The following BCAR3 variants were observed in gnomAD, a reference collection of about 807,000 sequenced individuals.
The protein encoded by BCAR3 is BCAR3 adaptor protein, NSP family member.
In BCAR3, 37 loss-of-function variants were observed where a neutral mutation model predicts 80.1. That is an observed-to-expected ratio of 0.46 (90% CI 0.36 to 0.61). The LOEUF (loss-of-function observed/expected upper bound fraction) is 0.61. Ranked by LOEUF, BCAR3 falls within the 20% of genes least tolerant of loss-of-function variation. The probability of loss-of-function intolerance (pLI) is 0.00; values close to 1 mark genes in which losing one functional copy is unlikely to be tolerated. For missense variants in BCAR3, 978 were observed against 1,068.2 expected, an observed-to-expected ratio of 0.92 and a Z score of 1.18; for synonymous variants, 389 against 418.9, an observed-to-expected ratio of 0.93 and a Z score of 0.87.
chr1:93,769,355 A>ATGTG (rs59798936), intron 2 of BCAR3, among the ~76,000 whole-genome samples: 5,609 of 119,774 alleles, frequency 0.047, 188 homozygotes, highest in East Asian at 0.074. Flanking sequence ...GTGGGTAGGA[A>ATGTG]TGTGTGTGTG....
chr1:93,704,481 C>G (rs1649767300), intron 3 of BCAR3, among the ~76,000 whole-genome samples: 1 of 152,168 alleles, frequency 6.6e-6, no homozygotes. Context: ...AGTAGAGATA[C>G]TTGGCCAAAG....
chr1:93,710,811 C>A (rs550342380), intron 2 of BCAR3, among the ~76,000 whole-genome samples: 1 of 152,210 alleles, frequency 6.6e-6, no homozygotes, highest in Non-Finnish European at 1.5e-5. Flanking sequence ...TTAAAACAAA[C>A]ATTTGTTATC....
intron 2 of BCAR3, among the ~76,000 whole-genome samples, chr1:93,717,104 T>C (rs558101544): frequency 6.6e-6 from 1 of 152,322 alleles, no homozygotes; most frequent in East Asian, 1.9e-4. Context: ...CTACTTATAC[T>C]CTTAGATCTG....
chr1:93,710,253 C>A (rs932155516), intron 2 of BCAR3, among the ~76,000 whole-genome samples: 2 of 152,206 alleles, frequency 1.3e-5, no homozygotes, highest in African/African-American at 4.8e-5. Context: ...CTGGAGGGAC[C>A]AGTCCTGACC....
At chr1:93,770,577 T>C (rs1652324296) in intron 2 of BCAR3, among the ~76,000 whole-genome samples, 2 of 151,988 alleles carry the variant, frequency 1.3e-5, no homozygotes, top group Non-Finnish European at 2.9e-5. Flanking sequence ...TTTATATATA[T>C]AGGATGGCAC....
intron 2 of BCAR3, among the ~76,000 whole-genome samples, chr1:93,835,378 A>C (rs1024143385): frequency 6.6e-6 from 1 of 152,206 alleles, no homozygotes; most frequent in Non-Finnish European, 1.5e-5. Context: ...CTAAAGAAGC[A>C]GCTTAGCGTT....
At chr1:93,810,664 G>C (rs1363912117) in intron 2 of BCAR3, among the ~76,000 whole-genome samples, 1 of 152,146 alleles carries the variant, frequency 6.6e-6, no homozygotes, top group Non-Finnish European at 1.5e-5. Context: ...GCGAACTAAG[G>C]TGTCACCCGT....
intron 5 of BCAR3, among the ~76,000 whole-genome samples, 157 bp from the exon 6 acceptor site, chr1:93,584,278 G>C (rs936670530): frequency 6.6e-6 from 1 of 152,202 alleles, no homozygotes; most frequent in Admixed American, 6.5e-5. Context: ...ATGACCGCTG[G>C]AGAAACAAAT....
chr1:93,675,091 G>A, intron 1 of BCAR3, 150 bp from the exon 2 acceptor site: 1 of 625,606 alleles, frequency 1.6e-6, no homozygotes, highest in Non-Finnish European at 2.5e-6. Flanking sequence ...CACTAGTGGA[G>A]TCTAATAAGA....
At chr1:93,808,640 T>G (rs1368660498) in intron 2 of BCAR3, among the ~76,000 whole-genome samples, 1 of 152,014 alleles carries the variant, frequency 6.6e-6, no homozygotes, top group Non-Finnish European at 1.5e-5. Context: ...AGAAGGAAGA[T>G]AGAGAACTAC....
chr1:93,776,294 C>T (rs1652544488), intron 2 of BCAR3, among the ~76,000 whole-genome samples: 1 of 152,042 alleles, frequency 6.6e-6, no homozygotes, highest in African/African-American at 2.4e-5. Flanking sequence ...CCCCCATGTC[C>T]CCACCACCAA....
chr1:93,679,690 T>A (rs575925634), intron 1 of BCAR3, among the ~76,000 whole-genome samples: 143 of 152,340 alleles, frequency 9.4e-4, no homozygotes, highest in African/African-American at 3.3e-3. Context: ...CTTTACCACA[T>A]GTGCTGCCTT....
intron 2 of BCAR3, among the ~76,000 whole-genome samples, chr1:93,726,129 AAC>A (rs902542354): frequency 2.0e-5 from 3 of 152,052 alleles, no homozygotes; most frequent in Non-Finnish European, 2.9e-5. Context: ...TGCAGTGGCA[AAC>A]ACAGCTCAAT....
At chr1:93,790,207 C>T (rs991215799) in intron 2 of BCAR3, among the ~76,000 whole-genome samples, 14 of 151,642 alleles carry the variant, frequency 9.2e-5, no homozygotes, top group East Asian at 5.8e-4. Context: ...AGTGAACAAC[C>T]GAGAGGTTCA....
chr1:93,748,190 G>C (rs1000014221), intron 2 of BCAR3, among the ~76,000 whole-genome samples: 6 of 152,198 alleles, frequency 3.9e-5, no homozygotes, highest in African/African-American at 1.4e-4. Flanking sequence ...AGCATAGAGA[G>C]ATAGCCATTG....
intron 2 of BCAR3, among the ~76,000 whole-genome samples, chr1:93,719,575 C>T (rs866441257): frequency 1.3e-5 from 2 of 151,994 alleles, no homozygotes; most frequent in South Asian, 4.1e-4. Flanking sequence ...ATCTCCTGAC[C>T]TCGTGATCTG....
upstream of BCAR3, among the ~76,000 whole-genome samples, chr1:93,684,669 C>T (rs1648911088): frequency 6.6e-6 from 1 of 152,208 alleles, no homozygotes; most frequent in Admixed American, 6.5e-5. Context: ...CGTATGCCTA[C>T]TGTGTGCCAA....
chr1:93,775,300 G>C (rs868856294), intron 2 of BCAR3: 3 of 152,272 alleles, frequency 2.0e-5, no homozygotes, highest in Middle Eastern at 3.2e-3. Context: ...AGCACTCTCA[G>C]CCTGGGGGCA....
intron 2 of BCAR3, among the ~76,000 whole-genome samples, chr1:93,673,159 A>C (rs1323025188): frequency 6.6e-6 from 1 of 151,958 alleles, no homozygotes; most frequent in East Asian, 1.9e-4. Flanking sequence ...CCAGCATATC[A>C]CTCCATTTCC....
Sources: allele counts gnomAD v4.1 joint callset (sites outside exome capture counted in the v4.1 genomes callset), GRCh38; gene constraint gnomAD v4.1.1; transcripts MANE v1.5; gene names NCBI Gene and HGNC (gene_info 2026-07-23, HGNC 2026-07-21).